DMRT1: variants seen among roughly 807,000 people sequenced by gnomAD.
DMRT1 encodes the protein doublesex- and mab-3-related transcription factor 1.
In DMRT1, 7 loss-of-function variants were observed where a neutral mutation model predicts 32.3. The ratio of observed to expected loss-of-function variants is 0.22; its 90% CI spans 0.12 to 0.41. The LOEUF (loss-of-function observed/expected upper bound fraction) is 0.41, where lower values mean the gene tolerates loss of function less well. Among genes scored for constraint, DMRT1 ranks in the 10% least tolerant of loss-of-function variants. DMRT1 has a pLI of 1.00. For synonymous variants in DMRT1, 278 were observed against 206.1 expected (o/e 1.35, Z -2.99); for missense variants, 625 against 500.5 (o/e 1.25, Z -2.37).
At position 911,480 on chromosome 9, in the gene DMRT1, T is replaced by TTTTG. The variant is rs1430973213; in HGVS notation, c.823-5280_823-5279insGTTT. Among the ~76,000 whole-genome samples, 92 of 60,990 alleles carry TTTTG rather than the reference T, an allele frequency of 1.5e-3. 3 individuals are homozygous for TTTTG. The highest frequency in any genetic ancestry group is 7.9e-3 in the African/African-American group (88 of 11,094). 40.0% of individuals were successfully genotyped at this position (60,990 alleles called of 152,430 possible). ...TTCTGGGTTAATTGCATTTTTTTTT[T>TTTTG]TTTTTTTTTTTTTTTTTTTTTTTTT... On this transcript the variant is annotated intron_variant, in intron 3 of 4. Coordinates refer to ENST00000382276, the MANE Select transcript of DMRT1 (RefSeq NM_021951.3).
chr9:955,422 TTGGCTGGTGTGG>T (rs1400415034), intron 4 of DMRT1, among the ~76,000 whole-genome samples: 1 of 152,120 alleles, frequency 6.6e-6, no homozygotes, highest in African/African-American at 2.4e-5. Flanking sequence ...GGCAAAAAAC[TTGGCTGGTGTGG>T]TGGCTCACGC....
intron 2 of DMRT1, among the ~76,000 whole-genome samples, chr9:880,900 G>C (rs1043128887): frequency 6.6e-6 from 1 of 152,068 alleles, no homozygotes; most frequent in African/African-American, 2.4e-5. Flanking sequence ...CTGACCTCTT[G>C]GGCCCTCAGA....
At chr9:883,770 CG>C (rs1564222238) in intron 2 of DMRT1, among the ~76,000 whole-genome samples, 1 of 146,878 alleles carries the variant, frequency 6.8e-6, no homozygotes, top group Non-Finnish European at 1.5e-5. Context: ...TCAGCCTGGG[CG>C]GAGCAAGACC....
chr9:919,310 A>G (rs1818281627), intron 4 of DMRT1, among the ~76,000 whole-genome samples: 1 of 151,680 alleles, frequency 6.6e-6, no homozygotes, highest in Non-Finnish European at 1.5e-5. Flanking sequence ...TTCTTTAAAA[A>G]TAAATTTAAG....
intron 2 of DMRT1, among the ~76,000 whole-genome samples, chr9:879,072 G>A (rs1816626658): frequency 6.6e-6 from 1 of 152,148 alleles, no homozygotes; most frequent in South Asian, 2.1e-4. Flanking sequence ...CTTTATTGCT[G>A]TCTACTAATA....
chr9:858,456 G>A (rs1472759802), intron 2 of DMRT1, among the ~76,000 whole-genome samples: 1 of 152,088 alleles, frequency 6.6e-6, no homozygotes, highest in Non-Finnish European at 1.5e-5. Context: ...CTGTCCTGTT[G>A]ATCACCCCTC....
intron 4 of DMRT1, among the ~76,000 whole-genome samples, chr9:927,419 C>T (rs1298696773): frequency 6.6e-6 from 1 of 152,200 alleles, no homozygotes; most frequent in Non-Finnish European, 1.5e-5. Flanking sequence ...AGCTCGTCAG[C>T]GGCCCTTTAT....
intron 4 of DMRT1, among the ~76,000 whole-genome samples, chr9:941,892 T>C (rs142129048): frequency 6.6e-6 from 1 of 152,222 alleles, no homozygotes; most frequent in African/African-American, 2.4e-5. Flanking sequence ...TATCTGGTTA[T>C]GAGGTATTGT....
intron 3 of DMRT1, chr9:894,962 C>G (rs989845290): frequency 6.6e-6 from 1 of 152,150 alleles, no homozygotes; most frequent in African/African-American, 2.4e-5. Context: ...TTACAGGCGC[C>G]TACCACCCCA....
chr9:872,599 T>G lies in DMRT1; in HGVS notation c.539-21313T>G, dbSNP rs772392075. On this transcript the variant is annotated intron_variant, in intron 2 of 4. Transcript: ENST00000382276. ...CACTGTGGGATTATTTGTGTCTGAC[T>G]TCTTCCACTTAGCATGTTTTTGAGG... Among the ~76,000 whole-genome samples, 11 of 152,358 alleles carry G rather than the reference T, an allele frequency of 7.2e-5. No individual in the cohort carries two copies. The South Asian group carries it at 2.1e-3, about 29-fold the overall frequency.
At chr9:936,158 T>A (rs1564262758) in intron 4 of DMRT1, among the ~76,000 whole-genome samples, 1 of 152,234 alleles carries the variant, frequency 6.6e-6, no homozygotes, top group Non-Finnish European at 1.5e-5. Flanking sequence ...TTTGGATTGC[T>A]TGTCTCCACT....
Position 841,740 on chromosome 9 carries a change from C to G in DMRT1, c.-99C>G. The G allele has an allele frequency of 6.5e-7, 1 of 1,546,948 alleles. No individual in the cohort carries two copies. Among genetic ancestry groups the G allele is most frequent in the South Asian group, 1.2e-5 (1 of 83,958 alleles). ...GCTGCAGCGCACACGTCTCCTGCGC[C>G]TCCTCCTCCGGAGCGTCGCTGTCCG... On this transcript the variant is annotated 5_prime_UTR_variant, in exon 1 of 5. Coordinates refer to ENST00000382276, the MANE Select transcript of DMRT1 (RefSeq NM_021951.3).
At chr9:843,152 A>G (rs1838761237) in intron 1 of DMRT1, among the ~76,000 whole-genome samples, 1 of 152,166 alleles carries the variant, frequency 6.6e-6, no homozygotes, top group African/African-American at 2.4e-5. Flanking sequence ...GCTGAGTTGC[A>G]CTTAAATTAG....
intron 2 of DMRT1, among the ~76,000 whole-genome samples, chr9:882,881 T>C (rs901463069): frequency 1.3e-5 from 2 of 151,606 alleles, no homozygotes; most frequent in Non-Finnish European, 2.9e-5. Flanking sequence ...AAGTGATTCT[T>C]CTGCCTCAGC....
At chr9:868,001 A>G (rs1449042797) in intron 2 of DMRT1, among the ~76,000 whole-genome samples, 2 of 152,150 alleles carry the variant, frequency 1.3e-5, no homozygotes, top group Admixed American at 6.5e-5. Flanking sequence ...TTTTATTTTG[A>G]GACAGGGTCT....
chr9:959,889 T>C (rs1001582328), intron 4 of DMRT1, among the ~76,000 whole-genome samples: 8 of 152,236 alleles, frequency 5.3e-5, no homozygotes, highest in Non-Finnish European at 1.2e-4. Context: ...AGTCCTGTTT[T>C]ATGGTTGCAG....
chr9:873,550 C>G (rs1210066040), intron 2 of DMRT1, among the ~76,000 whole-genome samples: 1 of 152,030 alleles, frequency 6.6e-6, no homozygotes, highest in Non-Finnish European at 1.5e-5. Flanking sequence ...AACTCCCGAC[C>G]TCAGGTGATC....
intron 4 of DMRT1, among the ~76,000 whole-genome samples, chr9:921,902 C>T (rs1444415092): frequency 1.3e-5 from 2 of 152,178 alleles, no homozygotes; most frequent in Admixed American, 6.5e-5. Context: ...CATCACGACA[C>T]AGCCCTCCAG....
Position 841,978 on chromosome 9 carries a change from C to T in DMRT1, c.140C>T (p.Ala47Val), listed in dbSNP as rs550596215. Residue 47 changes from alanine (A) to valine (V), a missense_variant, in exon 1 of 5, where the codon GCC becomes GTC. Physicochemically the swap from Ala to Val is moderately conservative, Grantham distance 64. Transcript: ENST00000382276. ...ALVGAASGSS[A>V]GGSSRGGGSG... ...GTGGGGGCGGCCAGCGGCTCGAGCG[C>T]CGGGGGCAGCAGCAGAGGAGGCGGC... The T allele has an allele frequency of 6.3e-7, 1 of 1,577,640 alleles. No homozygotes were observed. Among genetic ancestry groups the T allele is most frequent in the East Asian group, 2.3e-5 (1 of 43,314 alleles).
Sources: allele counts gnomAD v4.1 joint callset (sites outside exome capture counted in the v4.1 genomes callset), GRCh38; gene constraint gnomAD v4.1.1; transcripts MANE v1.5; gene names NCBI Gene and HGNC (gene_info 2026-07-23, HGNC 2026-07-21).